The following ARHGAP6 variants were observed in gnomAD, a reference collection of about 807,000 sequenced individuals.
ARHGAP6 encodes Rho GTPase activating protein 6, also known as rho GTPase-activating protein 6.
In ARHGAP6, 16 loss-of-function variants were observed where a neutral mutation model predicts 55.7. That is an observed-to-expected ratio of 0.29 (90% CI 0.19 to 0.44). The LOEUF (loss-of-function observed/expected upper bound fraction) is 0.44, where lower values mean the gene tolerates loss of function less well. Among genes scored for constraint, ARHGAP6 ranks in the 20% least tolerant of loss-of-function variants. The probability of loss-of-function intolerance (pLI) is 1.00; values close to 1 mark genes in which losing one functional copy is unlikely to be tolerated. For missense variants in ARHGAP6, 698 were observed against 808.9 expected, an observed-to-expected ratio of 0.86 and a Z score of 1.66; for synonymous variants, 382 against 360.9, an observed-to-expected ratio of 1.06 and a Z score of -0.66.
At chrX:11,609,829 C>G (rs1176725802) in intron 1 of ARHGAP6, among the ~76,000 whole-genome samples, 2 of 111,688 alleles carry the variant, frequency 1.8e-5, no homozygotes, top group East Asian at 5.6e-4. Context: ...CAAAGATGCC[C>G]TAGAAGAAAG....
intron 9 of ARHGAP6, among the ~76,000 whole-genome samples, chrX:11,163,064 A>T (rs1275334613): frequency 2.7e-5 from 3 of 111,835 alleles, no homozygotes; most frequent in Non-Finnish European, 5.6e-5. Context: ...TCACATCAAA[A>T]TCTCTACTGG....
intron 1 of ARHGAP6, among the ~76,000 whole-genome samples, chrX:11,344,678 CAA>C (rs34123570): frequency 0.028 from 797 of 28,111 alleles, no homozygotes; most frequent in African/African-American, 0.051. Context: ...AACTCCATCA[CAA>C]AAAAAAAAAA....
intron 1 of ARHGAP6, chrX:11,290,601 A>C: frequency 4.0e-6 from 1 of 252,919 alleles, no homozygotes. Context: ...AAGAAGACTC[A>C]CTGTTGAAAT....
intron 1 of ARHGAP6, among the ~76,000 whole-genome samples, chrX:11,388,646 T>C (rs1400413367): frequency 8.9e-6 from 1 of 111,754 alleles, no homozygotes; most frequent in African/African-American, 3.3e-5. Flanking sequence ...ATGTCCTGAA[T>C]GGTAATGCCT....
At chrX:11,566,757 A>G (rs767544807) in intron 1 of ARHGAP6, among the ~76,000 whole-genome samples, 26 of 112,387 alleles carry the variant, frequency 2.3e-4, no homozygotes, top group African/African-American at 8.4e-4. Context: ...ACCATGTACA[A>G]GACAAAGTAA....
chrX:11,350,770 C>T (rs1295463179), intron 1 of ARHGAP6, among the ~76,000 whole-genome samples: 1 of 111,580 alleles, frequency 9.0e-6, no homozygotes, highest in East Asian at 2.8e-4. Context: ...GCAGCACTTA[C>T]ATTACAGAGA....
intron 1 of ARHGAP6, among the ~76,000 whole-genome samples, chrX:11,599,334 C>T (rs781082992): frequency 9.0e-6 from 1 of 111,232 alleles, no homozygotes; most frequent in South Asian, 3.8e-4. Context: ...ATAATTGCTC[C>T]ATAATAATTG....
At chrX:11,277,710 T>TA (rs543163653) in intron 1 of ARHGAP6, among the ~76,000 whole-genome samples, 16 of 107,842 alleles carry the variant, frequency 1.5e-4, no homozygotes, top group South Asian at 8.0e-4. Context: ...TTTTTTTTTT[T>TA]AAAAAAAAAT....
chrX:11,351,642 T>C, intron 1 of ARHGAP6: 1 of 714,318 alleles, frequency 1.4e-6, no homozygotes, highest in Non-Finnish European at 1.7e-6. Context: ...AGTGCCTTGG[T>C]TCCCAGGCCG....
rs777226850 is a variant in ARHGAP6 at position 11,340,950 on chromosome X, A to G, written c.589-86243T>C. 9.2e-5 allele frequency among the ~76,000 whole-genome samples: 10 copies of G among 108,142 alleles called. No homozygotes were observed. In the South Asian group the frequency reaches 4.1e-3, roughly 44 times the overall value. The allele number at this position is 108,142 out of a possible 115,157, so 93.9% of individuals were successfully genotyped here. A position where few individuals can be genotyped will look rare whatever the true frequency, so the allele number is the denominator to read the frequency against. On this transcript the variant is annotated intron_variant, in intron 1 of 12. Transcript: ENST00000337414. ...AAACGGTTGTTGCATGAATGGACAG[A>G]GTGGAGAAAAACGGTCAGATTAATA... is the stretch of plus-strand genomic sequence containing the variant.
At chrX:11,662,120 A>G (rs2052709246) in intron 1 of ARHGAP6, among the ~76,000 whole-genome samples, 1 of 112,100 alleles carries the variant, frequency 8.9e-6, no homozygotes, top group Non-Finnish European at 1.9e-5. Context: ...CAAGATGCTC[A>G]TTGGCTGACA....
intron 2 of ARHGAP6, among the ~76,000 whole-genome samples, chrX:11,212,271 G>A (rs753542555): frequency 8.9e-6 from 1 of 111,820 alleles, no homozygotes; most frequent in Non-Finnish European, 1.9e-5. Context: ...TTTCCTCTGA[G>A]TAGTCCCAGG....
At chrX:11,546,310 A>G (rs1287453140) in intron 1 of ARHGAP6, among the ~76,000 whole-genome samples, 2 of 110,980 alleles carry the variant, frequency 1.8e-5, no homozygotes, top group Non-Finnish European at 1.9e-5. Context: ...TTTGATCATC[A>G]TACTGGGCAG....
intron 2 of ARHGAP6, chrX:11,223,142 C>T: frequency 5.8e-6 from 1 of 172,227 alleles, no homozygotes; most frequent in Admixed American, 8.3e-5. Flanking sequence ...AATGCATTTT[C>T]ATTTACTGTC....
intron 2 of ARHGAP6, among the ~76,000 whole-genome samples, chrX:11,213,018 G>C (rs911309991): frequency 1.8e-5 from 2 of 112,402 alleles, no homozygotes; most frequent in Admixed American, 9.3e-5. Flanking sequence ...TGAGGACCTA[G>C]GGGGCAAGGG....
At chrX:11,268,982 A>G (rs866555521) in intron 1 of ARHGAP6, among the ~76,000 whole-genome samples, 10 of 111,612 alleles carry the variant, frequency 9.0e-5, no homozygotes, top group South Asian at 3.8e-4. Context: ...AGTTGCCCCA[A>G]TGTCTCAACC....
intron 1 of ARHGAP6, among the ~76,000 whole-genome samples, chrX:11,344,325 C>T (rs1051102912): frequency 9.0e-5 from 10 of 111,162 alleles, no homozygotes; most frequent in African/African-American, 3.3e-4. Flanking sequence ...ACTTGAGAAC[C>T]ACTGGTCGGT....
intron 1 of ARHGAP6, among the ~76,000 whole-genome samples, chrX:11,355,451 C>A (rs1437832767): frequency 8.9e-6 from 1 of 112,333 alleles, no homozygotes; most frequent in African/African-American, 3.2e-5. Context: ...AATAGAAATG[C>A]TGACCTAAAA....
intron 1 of ARHGAP6, among the ~76,000 whole-genome samples, chrX:11,312,252 T>C (rs1184433548): frequency 8.9e-6 from 1 of 112,025 alleles, no homozygotes; most frequent in Middle Eastern, 4.6e-3. Context: ...GAGTCAGAAA[T>C]GTTAATGCAA....
Sources: gnomAD v4.1 joint callset for allele counts (sites outside exome capture counted in the v4.1 genomes callset) on GRCh38, gnomAD v4.1.1 for gene constraint, MANE v1.5 for transcripts, NCBI Gene and HGNC (gene_info 2026-07-23, HGNC 2026-07-21) for gene names.